PDE4D: variants seen among roughly 807,000 people sequenced by gnomAD.
The protein encoded by PDE4D is 3',5'-cyclic-AMP phosphodiesterase 4D.
A neutral mutation model predicts 87.4 loss-of-function variants in PDE4D; 24 were observed. The observed-to-expected ratio is 0.27, with a 90% CI of 0.20 to 0.39. The LOEUF is 0.39. Ranked by LOEUF, PDE4D falls within the 10% of genes least tolerant of loss-of-function variation. The pLI, the probability that PDE4D is intolerant of heterozygous loss-of-function variation, is 1.00. For synonymous variants in PDE4D, 384 were observed against 383.2 expected, an observed-to-expected ratio of 1.00 and a Z score of -0.02; for missense variants, 714 against 1,041.0, an observed-to-expected ratio of 0.69 and a Z score of 4.32.
intron 5 of PDE4D, among the ~76,000 whole-genome samples, chr5:59,145,898 G>T (rs1778567982): frequency 6.6e-6 from 1 of 152,208 alleles, no homozygotes; most frequent in Non-Finnish European, 1.5e-5. Flanking sequence ...AGGCTGAGGT[G>T]GGTGGATCAC....
intron 1 of PDE4D, among the ~76,000 whole-genome samples, chr5:59,422,913 A>G (rs1794684814): frequency 1.3e-5 from 2 of 152,188 alleles, no homozygotes; most frequent in South Asian, 4.1e-4. Context: ...GTTGGAAAAT[A>G]TTACCTATTG....
intron 1 of PDE4D, among the ~76,000 whole-genome samples, chr5:59,224,874 G>A (rs1561752762): frequency 6.6e-6 from 1 of 152,164 alleles, no homozygotes; most frequent in South Asian, 2.1e-4. Flanking sequence ...GCCAATCTTG[G>A]TCTTGGACTT....
Position 59,279,125 on chromosome 5 carries a change from C to T in PDE4D, c.456-63157G>A, listed in dbSNP as rs546614648. On this transcript the variant is annotated intron_variant, in intron 1 of 14. Coordinates refer to ENST00000340635, the MANE Select transcript of PDE4D (RefSeq NM_001104631.2). ...CTATTTTCAGATTACAATAGATATT[C>T]TATACTTTCCAATCTATCATGAGCA... 3.3e-5 allele frequency among the ~76,000 whole-genome samples: 5 copies of T among 152,160 alleles called. No homozygotes were observed. The South Asian group carries it at 1.0e-3, about 32-fold the overall frequency.
At chr5:59,810,451 C>T (rs1362796193) in intron 1 of PDE4D, among the ~76,000 whole-genome samples, 3 of 152,042 alleles carry the variant, frequency 2.0e-5, no homozygotes, top group Non-Finnish European at 4.4e-5. Flanking sequence ...AGTGCTGCAC[C>T]GATATTTTAA....
At chr5:60,498,354 C>G (rs1749915446) in intron 1 of PDE4D, among the ~76,000 whole-genome samples, 1 of 152,210 alleles carries the variant, frequency 6.6e-6, no homozygotes, top group Non-Finnish European at 1.5e-5. Context: ...TGGGCAGAGT[C>G]CATTCCACTA....
intron 1 of PDE4D, chr5:59,586,934 G>A: frequency 1.0e-6 from 1 of 985,386 alleles, no homozygotes; most frequent in Non-Finnish European, 1.2e-6. Context: ...TACCGTCTGA[G>A]ACGTGTCGGA....
At chr5:59,425,630 G>C (rs1485360874) in intron 1 of PDE4D, among the ~76,000 whole-genome samples, 1 of 152,160 alleles carries the variant, frequency 6.6e-6, no homozygotes, top group Non-Finnish European at 1.5e-5. Context: ...GGCCACGTTT[G>C]AATGATTATA....
intron 1 of PDE4D, among the ~76,000 whole-genome samples, chr5:59,762,854 G>GATATATATATATATAT (rs35979900): frequency 3.9e-5 from 2 of 51,688 alleles, no homozygotes; most frequent in African/African-American, 7.3e-5. Context: ...ACTGCTTAAG[G>GATATATATATATATAT]ATATATATAT....
intron 1 of PDE4D, among the ~76,000 whole-genome samples, chr5:59,481,757 G>A (rs903515584): frequency 1.3e-5 from 2 of 151,812 alleles, no homozygotes; most frequent in Non-Finnish European, 2.9e-5. Flanking sequence ...TCCCTTTGTT[G>A]AAGCCATTCA....
At chr5:59,135,004 C>T (rs138971833) in intron 5 of PDE4D, among the ~76,000 whole-genome samples, 159 of 152,266 alleles carry the variant, frequency 1.0e-3, no homozygotes, top group African/African-American at 3.4e-3. Flanking sequence ...ATGAGTTCAG[C>T]TATTGGGTTG....
chr5:58,992,024 G>GTTCTATATTTATTATTAA lies in PDE4D; in HGVS notation c.1016-38_1016-21dup, dbSNP rs1413713638. 3 of 1,432,792 alleles carry GTTCTATATTTATTATTAA rather than the reference G, an allele frequency of 2.1e-6. No homozygotes were observed. Among genetic ancestry groups the GTTCTATATTTATTATTAA allele is most frequent in the Non-Finnish European group, 2.8e-6 (3 of 1,065,698 alleles). 88.8% of individuals were successfully genotyped at this position (1,432,792 alleles called of 1,614,324 possible). A position where few individuals can be genotyped will look rare whatever the true frequency, so the allele number is the denominator to read the frequency against. On this transcript the variant is annotated intron_variant, in intron 7 of 14. Coordinates refer to ENST00000340635, the MANE Select transcript of PDE4D (RefSeq NM_001104631.2). ...GCTTATCTTGAGAAATTTAGAAAAT[G>GTTCTATATTTATTATTAA]TTCTATATTTATTATTAATTCTATC...
intron 2 of PDE4D, chr5:60,147,736 C>T (rs1047356281): frequency 3.5e-5 from 16 of 454,504 alleles, no homozygotes; most frequent in African/African-American, 2.0e-4. Flanking sequence ...AAGCACTTCT[C>T]GAGTCACTCA....
chr5:59,922,733 T>C (rs1368807550), intron 3 of PDE4D, among the ~76,000 whole-genome samples: 1 of 151,966 alleles, frequency 6.6e-6, no homozygotes, highest in Non-Finnish European at 1.5e-5. Flanking sequence ...GGGCCTGGGG[T>C]GAGACTGAGA....
chr5:60,269,036 G>C (rs1750539102), intron 1 of PDE4D, among the ~76,000 whole-genome samples: 1 of 152,220 alleles, frequency 6.6e-6, no homozygotes, highest in African/African-American at 2.4e-5. Flanking sequence ...GGGCGCGGTG[G>C]CTCACACCTG....
intron 1 of PDE4D, among the ~76,000 whole-genome samples, chr5:59,357,495 GA>G (rs554704342): frequency 1.3e-5 from 2 of 150,566 alleles, no homozygotes; most frequent in African/African-American, 4.9e-5. Flanking sequence ...GTCAGTGTGA[GA>G]AAAAAAAACA....
At chr5:59,237,328 C>G (rs1399568988) in intron 1 of PDE4D, among the ~76,000 whole-genome samples, 1 of 152,180 alleles carries the variant, frequency 6.6e-6, no homozygotes, top group African/African-American at 2.4e-5. Flanking sequence ...TTACTTTAAT[C>G]ATCATAAAAT....
intron 2 of PDE4D, among the ~76,000 whole-genome samples, chr5:59,204,208 AAT>A (rs2153497499): frequency 6.6e-6 from 1 of 151,348 alleles, no homozygotes; most frequent in Non-Finnish European, 1.5e-5. Context: ...AAAAAAAAAA[AAT>A]CTTTCAACCA....
intron 1 of PDE4D, among the ~76,000 whole-genome samples, chr5:59,685,133 C>T (rs1749641346): frequency 6.6e-6 from 1 of 152,150 alleles, no homozygotes; most frequent in East Asian, 1.9e-4. Context: ...AACAACATGC[C>T]AATTCAATAC....
rs565071930 is a variant in PDE4D at position 58,987,822 on chromosome 5, T to G, written c.1552+671A>C. ...TTAACTTCAAGTACCAAATAGAATT[T>G]CTATAAACCTAAATCTCTTTACCAA... On this transcript the variant is annotated intron_variant, in intron 11 of 14. Transcript: ENST00000340635. Among the ~76,000 whole-genome samples, 52 of 152,302 alleles carry G rather than the reference T, an allele frequency of 3.4e-4. 1 individual carries two copies. The highest frequency in any genetic ancestry group is 1.2e-3 in the African/African-American group (49 of 41,574).
Sources: allele counts gnomAD v4.1 joint callset (sites outside exome capture counted in the v4.1 genomes callset), GRCh38; gene constraint gnomAD v4.1.1; transcripts MANE v1.5; gene names NCBI Gene and HGNC (gene_info 2026-07-23, HGNC 2026-07-21).